Variants in SLC28A1 observed in about 807,000 individuals in gnomAD.
SLC28A1 encodes solute carrier family 28 member 1.
A neutral mutation model predicts 74.8 loss-of-function variants in SLC28A1; 64 were observed. The ratio of observed to expected loss-of-function variants is 0.86; its 90% CI spans 0.70 to 1.05. The LOEUF is 1.05. SLC28A1 is among the 50% of genes least tolerant of loss of function. The pLI, the probability that SLC28A1 is intolerant of heterozygous loss-of-function variation, is 0.00. For synonymous variants in SLC28A1, 359 were observed against 335.0 expected, an observed-to-expected ratio of 1.07 and a Z score of -0.78; for missense variants, 828 against 822.8, an observed-to-expected ratio of 1.01 and a Z score of -0.08.
the SLC28A1 span, among the ~76,000 whole-genome samples, chr15:84,963,084 A>G: frequency 6.6e-6 from 1 of 152,218 alleles, no homozygotes; most frequent in African/African-American, 2.4e-5. Flanking sequence ...AATCTTGAGA[A>G]TGGGGGAGGG....
chr15:84,895,495 C>T lies in SLC28A1; in HGVS notation c.461+372C>T, dbSNP rs375991676. 2.9e-5 allele frequency: 47 copies of T among 1,596,652 alleles called. 1 individual carries two copies. Among genetic ancestry groups the T allele is most frequent in the Admixed American group, 1.7e-4 (10 of 57,304 alleles). ...TGGAGGGGGATTCAGCAGGCTCGAT[C>T]GGGGTCCAGGTGCTGGTATTTTTCA... On this transcript the variant is annotated intron_variant, in intron 6 of 18. Transcript: ENST00000394573.
At chr15:84,953,828 A>T in the SLC28A1 span, among the ~76,000 whole-genome samples, 4 of 152,242 alleles carry the variant, frequency 2.6e-5, no homozygotes, top group East Asian at 7.7e-4. Context: ...TATATTACTT[A>T]GGATTCTTTT....
chr15:84,905,694 C>A, intron 8 of SLC28A1, 42 bp downstream of exon 8: 1 of 1,405,828 alleles, frequency 7.1e-7, no homozygotes, highest in Non-Finnish European at 1.0e-6. Flanking sequence ...TCTTAGATTA[C>A]TGGGAGTAGG....
Position 84,943,373 on chromosome 15 carries a change from G to A in SLC28A1, c.1582-72G>A, listed in dbSNP as rs373676861. ...AAGTGGGTAAAATTAAGGCCAGGGA[G>A]CCTGGGTGTTATAGGGGTGCCCCAG... On this transcript the variant is annotated intron_variant, in intron 15 of 18. Coordinates refer to ENST00000394573, the MANE Select transcript of SLC28A1 (RefSeq NM_004213.5). 2.5e-5 allele frequency: 26 copies of A among 1,051,514 alleles called. No homozygotes were observed. The African/African-American group carries it at 3.4e-4, about 14-fold the overall frequency. 65.1% of individuals were successfully genotyped at this position (1,051,514 alleles called of 1,614,324 possible).
chr15:84,958,239 C>T, the SLC28A1 span, among the ~76,000 whole-genome samples: 15 of 152,112 alleles, frequency 9.9e-5, no homozygotes, highest in Non-Finnish European at 1.5e-5. Context: ...CCTCTTTTCC[C>T]GAGATGTTCC....
At chr15:84,949,640 G>A (rs531003605), downstream of SLC28A1, among the ~76,000 whole-genome samples, 151 of 149,028 alleles carry the variant, frequency 1.0e-3, no homozygotes, top group African/African-American at 3.5e-3. Context: ...TGAACTCCTG[G>A]CCTCAAGTGA....
chr15:84,898,876 G>A (rs967063031), intron 6 of SLC28A1, among the ~76,000 whole-genome samples: 1 of 152,166 alleles, frequency 6.6e-6, no homozygotes, highest in African/African-American at 2.4e-5. Flanking sequence ...AAGAGACAGA[G>A]CTGGAAATCC....
downstream of SLC28A1, among the ~76,000 whole-genome samples, chr15:84,947,357 G>T (rs1213294525): frequency 1.3e-5 from 2 of 152,158 alleles, no homozygotes; most frequent in African/African-American, 4.8e-5. Context: ...CCCATATGTT[G>T]GCCTCAGCTC....
rs368058107 is a variant in SLC28A1, at chr15:84,886,483, G to A, written c.-132-189G>A. ...GGAACTGGGGAGAGGGCAGAGGAGG[G>A]CATCTCTGATGGAGAAGCAGCAGCC... is the stretch of plus-strand genomic sequence containing the variant. On this transcript the variant is annotated intron_variant, in intron 1 of 18. Coordinates refer to ENST00000394573, the MANE Select transcript of SLC28A1 (RefSeq NM_004213.5). The A allele has an allele frequency of 1.7e-5, 17 of 985,430 alleles. No homozygotes were observed. In the African/African-American group the frequency reaches 2.1e-4, roughly 12 times the overall value. 61.0% of individuals were successfully genotyped at this position (985,430 alleles called of 1,614,324 possible).
At chr15:84,893,149 A>G (rs769984215) in intron 5 of SLC28A1, among the ~76,000 whole-genome samples, 6 of 145,862 alleles carry the variant, frequency 4.1e-5, no homozygotes, top group South Asian at 4.4e-4. Context: ...TCCTAGCCCC[A>G]TGCCCTCCCT....
chr15:84,928,386 A>G (rs907468917), intron 12 of SLC28A1, among the ~76,000 whole-genome samples: 1 of 151,540 alleles, frequency 6.6e-6, no homozygotes, highest in Non-Finnish European at 1.5e-5. Context: ...CTGGCTCATG[A>G]CAGTCACTGC....
Position 84,935,727 on chromosome 15 carries a change from G to A in SLC28A1, c.1581+209G>A, listed in dbSNP as rs549698098. Among the ~76,000 whole-genome samples the A allele has an allele frequency of 4.6e-5, 7 of 152,246 alleles. No homozygotes were observed. In the East Asian group the frequency reaches 1.4e-3, roughly 29 times the overall value. ...AAGGCCTTTTAGGAGGCTGAGGTGC[G>A]GGGAGAGAGCATTGTTTGGGATGTC... is the stretch of plus-strand genomic sequence containing the variant. On this transcript the variant is annotated intron_variant, in intron 15 of 18. Coordinates refer to ENST00000394573, the MANE Select transcript of SLC28A1 (RefSeq NM_004213.5).
rs1440619363 is a variant in SLC28A1, at chr15:84,935,318, C to G, written c.1384-3C>G. ...GGTGCCAGCCATACCGTTGTGCCCT[C>G]AGCTCATCTGCTCCTACATCCTGCG... On this transcript the variant is annotated splice_region_variant and splice_polypyrimidine_tract_variant and intron_variant, in intron 14 of 18. Transcript: ENST00000394573. The G allele has an allele frequency of 6.2e-7, 1 of 1,614,168 alleles. No individual in the cohort carries two copies. The highest frequency in any genetic ancestry group is 1.7e-5 in the Admixed American group (1 of 60,022).
chr15:84,921,143 G>A lies in SLC28A1; in HGVS notation c.957+74G>A. 2.6e-6 allele frequency: 3 copies of A among 1,140,902 alleles called. 1 individual carries two copies. Among genetic ancestry groups the A allele is most frequent in the East Asian group, 2.4e-5 (1 of 42,282 alleles). 70.7% of individuals were successfully genotyped at this position (1,140,902 alleles called of 1,614,324 possible). ...AGAGGGCAGTTTCCCTGGATCCCCA[G>A]AGCTCTGATTCAGTCCAAGGAAGAG... On this transcript the variant is annotated intron_variant, in intron 11 of 18. Transcript: ENST00000394573.
chr15:84,945,321 A>C lies in SLC28A1; in HGVS notation c.*121A>C. ...AAGCCACAGGACTTAGACCCAGCTC[A>C]ATCCCACAATTGGGAAGGGTTCATG... On this transcript the variant is annotated 3_prime_UTR_variant, in exon 19 of 19. Transcript: ENST00000394573. 1 of 868,470 alleles carries C rather than the reference A, an allele frequency of 1.2e-6. No individual in the cohort carries two copies. Among genetic ancestry groups the C allele is most frequent in the Non-Finnish European group, 1.9e-6 (1 of 520,402 alleles). 53.8% of individuals were successfully genotyped at this position (868,470 alleles called of 1,614,324 possible).
At chr15:84,894,797 T>A in intron 5 of SLC28A1, 143 bp from the exon 6 acceptor site, 1 of 792,132 alleles carries the variant, frequency 1.3e-6, no homozygotes, top group Non-Finnish European at 2.2e-6. Flanking sequence ...CATTTCCAGA[T>A]GAGGAAACAG....
At chr15:84,899,659 A>G (rs1966385192) in intron 6 of SLC28A1, among the ~76,000 whole-genome samples, 1 of 152,240 alleles carries the variant, frequency 6.6e-6, no homozygotes, top group Non-Finnish European at 1.5e-5. Flanking sequence ...ATGTATTTCA[A>G]AAAAGAAGAG....
At chr15:84,893,108 C>G (rs1370038388) in intron 5 of SLC28A1, among the ~76,000 whole-genome samples, 1 of 151,916 alleles carries the variant, frequency 6.6e-6, no homozygotes, top group Non-Finnish European at 1.5e-5. Flanking sequence ...CCACAAAGCA[C>G]AGGCCCTGAG....
Position 84,944,623 on chromosome 15 carries a change from T to G in SLC28A1, c.1721T>G (p.Phe574Cys). Residue 574 changes from phenylalanine to cysteine, a missense_variant, in exon 17 of 19, where the codon TTC becomes TGC. Physicochemically the swap from Phe to Cys is radical, Grantham distance 205 (BLOSUM62 -2). This residue lies in a region of SLC28A1 where 767 missense variants were observed against 753.5 expected (regional missense o/e 1.02). Transcript: ENST00000394573. ...TCCCAGATAGTGCTCCGGGCGCTCT[T>G]CACGGGAGCCTGTGTGTCCCTGGTG... is the stretch of plus-strand genomic sequence containing the variant. ...DFSQIVLRAL[F>C]TGACVSLVNA... The G allele has an allele frequency of 6.2e-7, 1 of 1,614,130 alleles. No homozygotes were observed. Among genetic ancestry groups the G allele is most frequent in the Non-Finnish European group, 8.5e-7 (1 of 1,179,968 alleles).
Sources: gnomAD v4.1 joint callset for allele counts (sites outside exome capture counted in the v4.1 genomes callset) on GRCh38, gnomAD v4.1.1 for gene constraint, gnomAD v4.1.1 regional missense constraint, MANE v1.5 for transcripts, NCBI Gene and HGNC (gene_info 2026-07-23, HGNC 2026-07-21) for gene names.